The following CHRM2 variants were observed in gnomAD, a reference collection of about 807,000 sequenced individuals.
The protein encoded by CHRM2 is muscarinic acetylcholine receptor M2.
In CHRM2, 8 loss-of-function variants were observed where a neutral mutation model predicts 25.0. The ratio of observed to expected loss-of-function variants is 0.32; its 90% CI spans 0.19 to 0.58. The LOEUF (loss-of-function observed/expected upper bound fraction) is 0.58. Ranked by LOEUF, CHRM2 falls within the 20% of genes least tolerant of loss-of-function variation. The probability of loss-of-function intolerance (pLI) is 0.88; values close to 1 mark genes in which losing one functional copy is unlikely to be tolerated. For missense variants in CHRM2, 440 were observed against 567.1 expected (o/e 0.78, Z 2.28); for synonymous variants, 202 against 205.7 (o/e 0.98, Z 0.15).
At chr7:136,939,838 G>T (rs576791031) in intron 2 of CHRM2, among the ~76,000 whole-genome samples, 2 of 152,260 alleles carry the variant, frequency 1.3e-5, no homozygotes, top group South Asian at 4.1e-4. Flanking sequence ...ATTAAATATT[G>T]TGAAATGCAA....
At chr7:136,892,214 T>A (rs1263538587) in intron 2 of CHRM2, among the ~76,000 whole-genome samples, 1 of 152,250 alleles carries the variant, frequency 6.6e-6, no homozygotes, top group East Asian at 1.9e-4. Context: ...AGTTGGTGAA[T>A]TGTGCTTCCT....
intron 2 of CHRM2, among the ~76,000 whole-genome samples, chr7:136,985,936 A>C (rs961525752): frequency 6.6e-6 from 1 of 152,216 alleles, no homozygotes; most frequent in Non-Finnish European, 1.5e-5. Context: ...AAAATCTTCT[A>C]ATAGCTTTCC....
At chr7:136,981,712 A>T (rs1046966596) in intron 2 of CHRM2, among the ~76,000 whole-genome samples, 16 of 152,130 alleles carry the variant, frequency 1.1e-4, no homozygotes, top group African/African-American at 3.6e-4. Context: ...TTTACCCAGT[A>T]GTTTTTCAGG....
chr7:136,962,059 CAG>C (rs1801119912), intron 2 of CHRM2, among the ~76,000 whole-genome samples: 1 of 152,064 alleles, frequency 6.6e-6, no homozygotes, highest in South Asian at 2.1e-4. Context: ...GGGCCTCAGA[CAG>C]ACTATACTGT....
intron 2 of CHRM2, among the ~76,000 whole-genome samples, chr7:136,885,112 A>C (rs974753994): frequency 6.6e-6 from 1 of 152,224 alleles, no homozygotes; most frequent in African/African-American, 2.4e-5. Flanking sequence ...CAATCTTTTT[A>C]GAAAATGTTT....
chr7:136,935,820 C>A (rs926170973), intron 2 of CHRM2, among the ~76,000 whole-genome samples: 5 of 152,142 alleles, frequency 3.3e-5, no homozygotes, highest in African/African-American at 1.2e-4. Context: ...AACTCATTTC[C>A]TTTTCACCTA....
chr7:136,869,482 C>T lies in CHRM2; in HGVS notation c.-125+64C>T, dbSNP rs1380860302. 1 of 152,312 alleles carries T rather than the reference C, an allele frequency of 6.6e-6. No homozygotes were observed. The highest frequency in any genetic ancestry group is 1.5e-5 in the Non-Finnish European group (1 of 68,166). The allele number at this position is 152,312 out of a possible 1,614,324, so 9.4% of individuals were successfully genotyped here. A position where few individuals can be genotyped will look rare whatever the true frequency, so the allele number is the denominator to read the frequency against. ...TCCAAGGGCCCTGGCACCAGGGGGTCTCTCCCTTCATATCCCCCCAAGCCG... is the reference window on the plus strand; with the variant it reads ...TCCAAGGGCCCTGGCACCAGGGGGTTTCTCCCTTCATATCCCCCCAAGCCG... On this transcript the variant is annotated intron_variant, in intron 2 of 3. Coordinates refer to ENST00000680005, the MANE Select transcript of CHRM2 (RefSeq NM_001006630.2). The surrounding 1 kb of genome is among the most constrained non-coding windows in gnomAD (Gnocchi z 4.9).
intron 2 of CHRM2, among the ~76,000 whole-genome samples, chr7:136,921,796 T>TTTTA (rs972198656): frequency 7.4e-5 from 11 of 147,986 alleles, no homozygotes; most frequent in African/African-American, 2.7e-4. Flanking sequence ...CTTTCTTTCT[T>TTTTA]TTTTTTGAGA....
At chr7:136,953,890 C>T (rs1800563239) in intron 2 of CHRM2, among the ~76,000 whole-genome samples, 2 of 152,128 alleles carry the variant, frequency 1.3e-5, no homozygotes, top group Admixed American at 1.3e-4. Flanking sequence ...CTAATCCAAG[C>T]AGCACAGCAC....
intron 2 of CHRM2, among the ~76,000 whole-genome samples, chr7:136,908,643 A>G: frequency 6.6e-6 from 1 of 151,960 alleles, no homozygotes; most frequent in East Asian, 1.9e-4. Context: ...GCCAATGACT[A>G]AGTTTTGAAT....
At position 136,959,701 on chromosome 7, in the gene CHRM2, C is replaced by T. The variant is rs189187076; in HGVS notation, c.-124-32486C>T. Among the ~76,000 whole-genome samples, 402 of 152,276 alleles carry T rather than the reference C, an allele frequency of 2.6e-3. 3 individuals are homozygous for T. Among genetic ancestry groups the T allele is most frequent in the Non-Finnish European group, 4.4e-3 (301 of 68,022 alleles). The stretch of plus-strand genomic sequence containing the variant: ...GCCGAGGCAGCAGATCACCTGAGGT[C>T]GGGAGTTCGAGACCAGCCTGACCAA... On this transcript the variant is annotated intron_variant, in intron 2 of 3. Coordinates refer to ENST00000680005, the MANE Select transcript of CHRM2 (RefSeq NM_001006630.2).
At chr7:136,870,619 C>T (rs1795787965) in intron 2 of CHRM2, 7 of 152,670 alleles carry the variant, frequency 4.6e-5, no homozygotes, top group Admixed American at 4.6e-4. Flanking sequence ...TGCCAAGGCT[C>T]TTGCATGTAC....
intron 2 of CHRM2, among the ~76,000 whole-genome samples, chr7:136,921,475 C>T (rs1050690735): frequency 1.3e-5 from 2 of 152,140 alleles, no homozygotes; most frequent in Non-Finnish European, 2.9e-5. Flanking sequence ...CCCATTCTTA[C>T]AGCTCTCTTA....
intron 2 of CHRM2, among the ~76,000 whole-genome samples, chr7:136,888,912 G>C (rs1157857482): frequency 6.6e-6 from 1 of 151,802 alleles, no homozygotes; most frequent in Non-Finnish European, 1.5e-5. Flanking sequence ...GCCGGGCGTG[G>C]TGGCGGGCAC....
At chr7:136,884,925 A>G (rs1423284354) in intron 2 of CHRM2, among the ~76,000 whole-genome samples, 2 of 152,226 alleles carry the variant, frequency 1.3e-5, no homozygotes, top group East Asian at 3.8e-4. Flanking sequence ...ATTTTAATGA[A>G]TCACAGAAAA....
At chr7:136,938,294 T>C in intron 2 of CHRM2, 1 of 1,097,236 alleles carries the variant, frequency 9.1e-7, no homozygotes, top group Non-Finnish European at 1.4e-6. Context: ...CGCCTAAGGT[T>C]GTTGATGTAG....
intron 2 of CHRM2, among the ~76,000 whole-genome samples, chr7:136,929,372 T>G (rs1798930231): frequency 6.6e-6 from 1 of 151,998 alleles, no homozygotes; most frequent in Admixed American, 6.6e-5. Context: ...ATGTTCTGAC[T>G]CTTGGCCCAC....
At chr7:136,933,240 A>G (rs938624564) in intron 2 of CHRM2, among the ~76,000 whole-genome samples, 1 of 152,248 alleles carries the variant, frequency 6.6e-6, no homozygotes, top group African/African-American at 2.4e-5. Context: ...AAGTAATCCA[A>G]TTAAAAGATG....
intron 2 of CHRM2, among the ~76,000 whole-genome samples, chr7:136,876,075 C>A (rs1249777873): frequency 6.6e-6 from 1 of 152,150 alleles, no homozygotes; most frequent in African/African-American, 2.4e-5. Context: ...CTCTCACAGC[C>A]ATGTGCACCA....
Sources: gnomAD v4.1 joint callset for allele counts (sites outside exome capture counted in the v4.1 genomes callset) on GRCh38, gnomAD v4.1.1 for gene constraint, Gnocchi (gnomAD v3.1) non-coding constraint, MANE v1.5 for transcripts, NCBI Gene and HGNC (gene_info 2026-07-23, HGNC 2026-07-21) for gene names.